Variants in PCDH15 observed in about 807,000 individuals in gnomAD.
PCDH15 encodes the protein protocadherin related 15, also known as protocadherin-15.
Under a neutral mutation model 178.5 loss-of-function variants are expected in PCDH15, and 129 were observed. That is an observed-to-expected ratio of 0.72 (90% CI 0.63 to 0.84). PCDH15 has a LOEUF of 0.84. Ranked by LOEUF, PCDH15 falls within the 40% of genes least tolerant of loss-of-function variation. The probability of loss-of-function intolerance (pLI) is 0.00; values close to 1 mark genes in which losing one functional copy is unlikely to be tolerated. For missense variants in PCDH15, 2,230 were observed against 2,099.9 expected, an observed-to-expected ratio of 1.06 and a Z score of -1.21; for synonymous variants, 800 against 732.0, an observed-to-expected ratio of 1.09 and a Z score of -1.50.
intron 1 of PCDH15, among the ~76,000 whole-genome samples, chr10:55,214,095 C>T (rs1372376157): frequency 1.3e-5 from 2 of 151,802 alleles, no homozygotes; most frequent in Admixed American, 1.3e-4. Flanking sequence ...AGCTTAAGTG[C>T]ATTGTGTTCA....
chr10:54,527,884 A>G lies in PCDH15; in HGVS notation c.92-7T>C, dbSNP rs2083509211. ...CCCCTAGCTAGTTTGCAATCTAAAG[A>G]GAGAAAATAACCAAAAGTAATAATT... On this transcript the variant is annotated splice_polypyrimidine_tract_variant and splice_region_variant and intron_variant, in intron 2 of 37. Coordinates refer to ENST00000644397, the MANE Select transcript of PCDH15 (RefSeq NM_001384140.1). The G allele has an allele frequency of 5.0e-6, 8 of 1,608,048 alleles. No homozygotes were observed. In the South Asian group the frequency reaches 7.7e-5, roughly 15 times the overall value.
At position 55,152,991 on chromosome 10, in the gene PCDH15, T is replaced by C. The variant is rs183732705; in HGVS notation, c.-80+13585A>G. Among the ~76,000 whole-genome samples the C allele has an allele frequency of 2.3e-3, 346 of 152,164 alleles. 6 individuals are homozygous for C. The highest frequency in any genetic ancestry group is 4.0e-3 in the African/African-American group (168 of 41,538). On this transcript the variant is annotated intron_variant, in intron 2 of 5. Transcript: ENST00000458638. ...ATGTAGGTATAGGTAACTTTGTGTTTAGAAAGCCATAACTAATAAATAATA... is the reference window on the plus strand; with the variant it reads ...ATGTAGGTATAGGTAACTTTGTGTTCAGAAAGCCATAACTAATAAATAATA...
chr10:55,162,750 C>G (rs1839097486), intron 2 of PCDH15, among the ~76,000 whole-genome samples: 1 of 152,046 alleles, frequency 6.6e-6, no homozygotes, highest in African/African-American at 2.4e-5. Flanking sequence ...AACCTCAGAC[C>G]AGATGTCTTC....
At chr10:53,821,408 A>T (rs1564528409) in intron 32 of PCDH15, 1 of 997,346 alleles carries the variant, frequency 1.0e-6, no homozygotes, top group Non-Finnish European at 1.2e-6. Flanking sequence ...ATAGGCTTCA[A>T]GAAAAAACAG....
chr10:54,453,980 C>A (rs2076647076), intron 3 of PCDH15, among the ~76,000 whole-genome samples: 1 of 151,822 alleles, frequency 6.6e-6, no homozygotes, highest in African/African-American at 2.4e-5. Flanking sequence ...ACACAGGACT[C>A]TTCTTTCCAA....
At chr10:54,512,003 T>A (rs1388224922) in intron 3 of PCDH15, among the ~76,000 whole-genome samples, 1 of 152,116 alleles carries the variant, frequency 6.6e-6, no homozygotes, top group African/African-American at 2.4e-5. Context: ...TCCAGCTCAA[T>A]AATGAAAACC....
intron 3 of PCDH15, among the ~76,000 whole-genome samples, chr10:54,444,262 A>G (rs2076012648): frequency 6.6e-6 from 1 of 151,662 alleles, no homozygotes; most frequent in Non-Finnish European, 1.5e-5. Flanking sequence ...TATGCATCCC[A>G]TTGCCAAAGG....
chr10:54,664,316 A>G, intron 1 of PCDH15, 26 bp from the exon 2 acceptor site: 1 of 1,385,548 alleles, frequency 7.2e-7, no homozygotes, highest in South Asian at 1.2e-5. Flanking sequence ...GTAGAAAGAA[A>G]CATTTGACAT....
At chr10:54,453,371 G>A (rs1056260216) in intron 3 of PCDH15, among the ~76,000 whole-genome samples, 5 of 152,000 alleles carry the variant, frequency 3.3e-5, no homozygotes, top group African/African-American at 1.2e-4. Flanking sequence ...GGATGAAGCT[G>A]GAAACCATCA....
At chr10:54,133,091 G>A in intron 14 of PCDH15, 84 bp from the exon 15 acceptor site, 2 of 1,576,900 alleles carry the variant, frequency 1.3e-6, no homozygotes, top group African/African-American at 1.4e-5. Context: ...CAGTTGTTGG[G>A]TTTACAGGAG....
intron 8 of PCDH15, among the ~76,000 whole-genome samples, chr10:54,252,697 A>C (rs1036310452): frequency 1.2e-4 from 18 of 152,174 alleles, no homozygotes; most frequent in African/African-American, 4.3e-4. Context: ...GTATAATAGT[A>C]ACATTAATTT....
In PCDH15 at chr10:55,061,012, G is replaced by A. The variant is rs56184267; in HGVS notation, c.-80+105564C>T. Reference sequence around the variant, plus strand: ...AAAGGAGAAATTCTCGATAACTTTGGGGTTGGCAATGATTTTTTAGATACA... The same window carrying A: ...AAAGGAGAAATTCTCGATAACTTTGAGGTTGGCAATGATTTTTTAGATACA... On this transcript the variant is annotated intron_variant, in intron 2 of 5. Coordinates refer to the PCDH15 transcript ENST00000458638. Among the ~76,000 whole-genome samples the A allele has an allele frequency of 4.9e-3, 744 of 152,116 alleles. 3 individuals are homozygous for A. The highest frequency in any genetic ancestry group is 0.017 in the African/African-American group (719 of 41,518).
At chr10:54,754,900 A>ATAATTTATTT (rs71014413) in intron 1 of PCDH15, among the ~76,000 whole-genome samples, 73,547 of 146,930 alleles carry the variant, frequency 0.5, 18,992 homozygotes, top group Middle Eastern at 0.68. Flanking sequence ...GTAGATTAAG[A>ATAATTTATTT]TAATTTATTT....
At chr10:55,351,222 T>G (rs1844924208) in intron 2 of PCDH15, among the ~76,000 whole-genome samples, 1 of 151,720 alleles carries the variant, frequency 6.6e-6, no homozygotes, top group Non-Finnish European at 1.5e-5. Flanking sequence ...TTAAAATATC[T>G]TATATCTTCT....
At chr10:54,358,583 C>A (rs1945437175) in intron 5 of PCDH15, among the ~76,000 whole-genome samples, 1 of 151,386 alleles carries the variant, frequency 6.6e-6, no homozygotes, top group Non-Finnish European at 1.5e-5. Context: ...CTAGTTCAAC[C>A]ATTGTGGAAG....
intron 4 of PCDH15, among the ~76,000 whole-genome samples, chr10:54,372,890 TTATGA>T (rs1302256687): frequency 2.6e-5 from 4 of 151,816 alleles, no homozygotes; most frequent in African/African-American, 9.7e-5. Flanking sequence ...TGTGTATAGG[TTATGA>T]TATGTGTATC....
chr10:55,542,515 T>C (rs936882227), intron 2 of PCDH15, among the ~76,000 whole-genome samples: 4 of 150,826 alleles, frequency 2.7e-5, no homozygotes, highest in South Asian at 4.2e-4. Context: ...ACAGTATGTA[T>C]ATATGTACAC....
At chr10:53,891,812 A>T (rs1259381772) in intron 26 of PCDH15, among the ~76,000 whole-genome samples, 1 of 142,214 alleles carries the variant, frequency 7.0e-6, no homozygotes, top group Non-Finnish European at 1.5e-5. Context: ...AAAAAAAAAA[A>T]TACAAAAAAG....
At chr10:54,968,131 C>G (rs1838838776) in intron 2 of PCDH15, among the ~76,000 whole-genome samples, 1 of 152,150 alleles carries the variant, frequency 6.6e-6, no homozygotes, top group Non-Finnish European at 1.5e-5. Flanking sequence ...GAATGGAAAG[C>G]CTGGGCTTAA....
Sources: allele counts gnomAD v4.1 joint callset (sites outside exome capture counted in the v4.1 genomes callset), GRCh38; gene constraint gnomAD v4.1.1; transcripts MANE v1.5; gene names NCBI Gene and HGNC (gene_info 2026-07-23, HGNC 2026-07-21).